Variants in URB1 observed in about 807,000 individuals in gnomAD.
The protein encoded by URB1 is nucleolar pre-ribosomal-associated protein 1.
URB1 carries 197 observed loss-of-function variants against 242.3 expected under a neutral mutation model. That is an observed-to-expected ratio of 0.81 (90% CI 0.72 to 0.91). The LOEUF (loss-of-function observed/expected upper bound fraction) is 0.91. Ranked by LOEUF, URB1 falls within the 40% of genes least tolerant of loss-of-function variation. The probability of loss-of-function intolerance (pLI) is 0.00; values close to 1 mark genes in which losing one functional copy is unlikely to be tolerated. For missense variants in URB1, 2,721 were observed against 2,860.5 expected (o/e 0.95, Z 1.11); for synonymous variants, 1,153 against 1,201.8 (o/e 0.96, Z 0.84).
At chr21:32,323,133 A>G (rs59329169) in intron 32 of URB1, among the ~76,000 whole-genome samples, 6,232 of 152,276 alleles carry the variant, frequency 0.041, 438 homozygotes, top group African/African-American at 0.14. Context: ...CCACCCCGAC[A>G]TGAGCACCGG....
intron 35 of URB1, among the ~76,000 whole-genome samples, chr21:32,319,766 C>T (rs1282223779): frequency 6.6e-6 from 1 of 152,216 alleles, no homozygotes; most frequent in Non-Finnish European, 1.5e-5. Flanking sequence ...TGTCCAAATA[C>T]ACATTCTAAT....
chr21:32,338,906 C>A lies in URB1; in HGVS notation c.4317-6G>T. 5.9e-6 allele frequency: 9 copies of A among 1,525,922 alleles called. No homozygotes were observed. Among genetic ancestry groups the A allele is most frequent in the Non-Finnish European group, 8.0e-6 (9 of 1,129,280 alleles). 94.5% of individuals were successfully genotyped at this position (1,525,922 alleles called of 1,614,324 possible). A position where few individuals can be genotyped will look rare whatever the true frequency, so the allele number is the denominator to read the frequency against. ...TGTGGTCCTGGTACCGAAATCTAGG[C>A]GGCGAGAGTCAAAGGGAAAAGAGCT... On this transcript the variant is annotated splice_polypyrimidine_tract_variant and splice_region_variant and intron_variant, in intron 25 of 38. Transcript: ENST00000382751.
rs1286809137 is a variant in URB1, at chr21:32,347,463, G to A, written c.3361C>T (p.Arg1121Cys). Residue 1121 changes from arginine (R) to cysteine (C), a missense_variant, in exon 22 of 39, where the codon CGT (arginine) becomes TGT (cysteine). Transcript: ENST00000382751. ...CTCAGCAAGGCCAGGGTGACCTCAC[G>A]GAGCTGGGCACCCTCCATGTATGGA... ...LHPYMEGAQLREVTLALLSLP... is the reference protein window; with the variant it reads ...LHPYMEGAQLCEVTLALLSLP... 15 of 1,550,752 alleles carry A rather than the reference G, an allele frequency of 9.7e-6. No homozygotes were observed. Among genetic ancestry groups the A allele is most frequent in the Admixed American group, 2.0e-5 (1 of 50,950 alleles).
At chr21:32,363,367 G>A (rs1459075146) in intron 10 of URB1, 38 bp from the exon 11 acceptor site, 2 of 1,540,168 alleles carry the variant, frequency 1.3e-6, no homozygotes, top group Admixed American at 2.0e-5. Flanking sequence ...CATGTCTCTA[G>A]GATACACAGA....
chr21:32,368,674 GC>G, intron 8 of URB1, 76 bp from the exon 9 acceptor site: 1 of 1,287,554 alleles, frequency 7.8e-7, no homozygotes, highest in Non-Finnish European at 1.1e-6. Flanking sequence ...GTGACGTGCA[GC>G]TCTGCAGAAT....
Position 32,311,830 on chromosome 21 carries a change from G to A in URB1, c.*3088C>T, listed in dbSNP as rs765412733. On this transcript the variant is annotated 3_prime_UTR_variant, in exon 39 of 39. Transcript: ENST00000382751. Reference sequence around the variant, plus strand: ...TCAGTGGAGCCAGGGAGCAGAACTGGCCCTGACCAGCCGCTACGACAGGAG... The same window carrying A: ...TCAGTGGAGCCAGGGAGCAGAACTGACCCTGACCAGCCGCTACGACAGGAG... 8 of 1,613,562 alleles carry A rather than the reference G, an allele frequency of 5.0e-6. No homozygotes were observed. The highest frequency in any genetic ancestry group is 4.0e-5 in the African/African-American group (3 of 74,926).
At chr21:32,387,800 G>C (rs1269388969) in intron 1 of URB1, among the ~76,000 whole-genome samples, 3 of 152,212 alleles carry the variant, frequency 2.0e-5, no homozygotes, top group African/African-American at 7.2e-5. Flanking sequence ...TCTGCCTTGG[G>C]GCCACAGGCA....
intron 22 of URB1, among the ~76,000 whole-genome samples, chr21:32,346,225 C>G (rs2033084638): frequency 6.6e-6 from 1 of 152,310 alleles, no homozygotes; most frequent in East Asian, 1.9e-4. Flanking sequence ...GCCTGAGGCC[C>G]TCACAAGAAG....
rs902871538 is a variant in URB1, at chr21:32,314,187, A to AT, written c.*730dup. On this transcript the variant is annotated 3_prime_UTR_variant, in exon 39 of 39. Coordinates refer to ENST00000382751, the MANE Select transcript of URB1 (RefSeq NM_014825.3). ...GACTTTTTATAGAAAAACAAACTTTATTTTTTTATTTTTTTGAGATGGAGT... is the reference window on the plus strand; with the variant it reads ...GACTTTTTATAGAAAAACAAACTTTATTTTTTTTATTTTTTTGAGATGGAGT... 4 of 192,880 alleles carry AT rather than the reference A, an allele frequency of 2.1e-5. No individual in the cohort carries two copies. Among genetic ancestry groups the AT allele is most frequent in the South Asian group, 1.0e-4 (1 of 10,030 alleles). The allele number at this position is 192,880 out of a possible 1,614,324, so 11.9% of individuals were successfully genotyped here.
intron 12 of URB1, 48 bp from the exon 13 acceptor site, chr21:32,361,171 G>GAAAGAAAGAAAGAAAC: frequency 3.1e-6 from 2 of 655,498 alleles, no homozygotes; most frequent in Non-Finnish European, 4.9e-6. Flanking sequence ...AAGAAAGAAA[G>GAAAGAAAGAAAGAAAC]AAAGAAAGAA....
chr21:32,358,793 A>G (rs997182563), intron 14 of URB1, among the ~76,000 whole-genome samples: 68 of 152,238 alleles, frequency 4.5e-4, no homozygotes, highest in African/African-American at 1.6e-3. Flanking sequence ...ATGAACTCAC[A>G]TCTCAGTGGA....
chr21:32,344,991 C>A (rs2033069579), intron 23 of URB1, among the ~76,000 whole-genome samples: 1 of 152,154 alleles, frequency 6.6e-6, no homozygotes. Context: ...ACACGTATGT[C>A]CAGACTTTTT....
chr21:32,311,496 T>C lies in URB1; in HGVS notation c.*3422A>G. 1.9e-6 allele frequency: 1 copy of C among 539,770 alleles called. No individual in the cohort carries two copies. The highest frequency in any genetic ancestry group is 2.9e-6 in the Non-Finnish European group (1 of 350,774). 33.4% of individuals were successfully genotyped at this position (539,770 alleles called of 1,614,324 possible). On this transcript the variant is annotated 3_prime_UTR_variant, in exon 39 of 39. Transcript: ENST00000382751. The stretch of plus-strand genomic sequence containing the variant: ...GCCTAGTTCCTGACAAAGCACTTCC[T>C]CTCCTCTGAGATTTCTCTAGAATGG...
At chr21:32,382,888 C>T (rs1481826616) in intron 4 of URB1, among the ~76,000 whole-genome samples, 2 of 152,186 alleles carry the variant, frequency 1.3e-5, no homozygotes, top group Non-Finnish European at 2.9e-5. Flanking sequence ...TTCCTGAAAA[C>T]CAACCATCCA....
Position 32,352,977 on chromosome 21 carries a change from C to G in URB1, c.2417-71G>C, listed in dbSNP as rs540145022. On this transcript the variant is annotated intron_variant, in intron 18 of 38. Coordinates refer to ENST00000382751, the MANE Select transcript of URB1 (RefSeq NM_014825.3). Reference sequence around the variant, plus strand: ...CCCTTCTGTGACCTACCAACACCACCTTCTTCCACATACAGGCAAGACCCT... The same window carrying G: ...CCCTTCTGTGACCTACCAACACCACGTTCTTCCACATACAGGCAAGACCCT... 158 of 1,442,226 alleles carry G rather than the reference C, an allele frequency of 1.1e-4. No individual in the cohort carries two copies. The African/African-American group carries it at 2.0e-3, about 18-fold the overall frequency. The allele number at this position is 1,442,226 out of a possible 1,614,324, so 89.3% of individuals were successfully genotyped here.
At chr21:32,323,866 A>G (rs1271403318) in intron 32 of URB1, among the ~76,000 whole-genome samples, 1 of 152,134 alleles carries the variant, frequency 6.6e-6, no homozygotes, top group African/African-American at 2.4e-5. Flanking sequence ...CGGGAGGCTG[A>G]GGTAAGAGAT....
At chr21:32,334,462 C>T (rs1197245756) in intron 28 of URB1, 128 bp from the exon 29 acceptor site, 9 of 1,087,012 alleles carry the variant, frequency 8.3e-6, no homozygotes, top group African/African-American at 3.2e-5. Context: ...GAGCATGCGA[C>T]GTGTTATATC....
At position 32,353,420 on chromosome 21, in the gene URB1, A is replaced by G. The variant is rs181189515; in HGVS notation, c.2416+513T>C. 3.8e-3 allele frequency among the ~76,000 whole-genome samples: 580 copies of G among 152,338 alleles called. 4 individuals are homozygous for G. Among genetic ancestry groups the G allele is most frequent in the Non-Finnish European group, 6.4e-3 (432 of 68,028 alleles). Reference sequence around the variant, plus strand: ...CCAACCTCCTAAAGGACAGCCAACCAGAAGAGCCACCTGGCCTGTATTGGA... The same window carrying G: ...CCAACCTCCTAAAGGACAGCCAACCGGAAGAGCCACCTGGCCTGTATTGGA... On this transcript the variant is annotated intron_variant, in intron 18 of 38. Coordinates refer to ENST00000382751, the MANE Select transcript of URB1 (RefSeq NM_014825.3).
Position 32,325,261 on chromosome 21 carries a change from A to C in URB1, c.5089T>G (p.Leu1697Val). The C allele has an allele frequency of 6.4e-7, 1 of 1,551,678 alleles. No homozygotes were observed. Among genetic ancestry groups the C allele is most frequent in the South Asian group, 1.2e-5 (1 of 84,062 alleles). Residue 1697 changes from leucine to valine, a missense_variant, in exon 31 of 39, where the codon TTG becomes GTG. Coordinates refer to ENST00000382751, the MANE Select transcript of URB1 (RefSeq NM_014825.3). ...TGCTCTTGGAACCGTGCGCCCTCCA[A>C]GTGCGAGTAGTAGGCCGCCAGGACA... ...YHVLAAYYSHLEGARFQEQSQ... is the reference protein window; with the variant it reads ...YHVLAAYYSHVEGARFQEQSQ...
Sources: allele counts gnomAD v4.1 joint callset (sites outside exome capture counted in the v4.1 genomes callset), GRCh38; gene constraint gnomAD v4.1.1; transcripts MANE v1.5; gene names NCBI Gene and HGNC (gene_info 2026-07-23, HGNC 2026-07-21).